Variants in SSX7 observed in about 807,000 individuals in gnomAD.
The protein encoded by SSX7 is SSX family member 7, also known as protein SSX7.
In SSX7, 15 loss-of-function variants were observed where a neutral mutation model predicts 14.7. That is an observed-to-expected ratio of 1.02 (90% CI 0.68 to 1.58). The LOEUF is 1.58. Among genes scored for constraint, SSX7 ranks in the 40% most tolerant of loss-of-function variants. The probability of loss-of-function intolerance (pLI) is 0.00; values close to 1 mark genes in which losing one functional copy is unlikely to be tolerated. For synonymous variants in SSX7, 46 were observed against 50.6 expected (o/e 0.91, Z 0.38); for missense variants, 178 against 146.8 (o/e 1.21, Z -1.10).
rs1219002236 is a variant in SSX7, at chrX:52,654,371, T to TTTG, written c.-21+390_-21+391insCAA. Among the ~76,000 whole-genome samples the TTTG allele has an allele frequency of 3.4e-4, 31 of 90,003 alleles. No homozygotes were observed. The East Asian group carries it at 9.5e-3, about 28-fold the overall frequency. 78.2% of individuals were successfully genotyped at this position (90,003 alleles called of 115,157 possible). ...GAGGAAAGATTTGAGTGAGTTTTTT[T>TTTG]TTTTTTTTTTTTTTGAGTCATGGTC... is the stretch of plus-strand genomic sequence containing the variant. On this transcript the variant is annotated intron_variant, in intron 1 of 7. Transcript: ENST00000298181.
At chrX:52,646,729 C>T (rs1925261800) in intron 6 of SSX7, among the ~76,000 whole-genome samples, 1 of 111,507 alleles carries the variant, frequency 9.0e-6, no homozygotes, top group Admixed American at 9.6e-5. Context: ...TTTCTTGAGA[C>T]ACACCTATAT....
intron 7 of SSX7, among the ~76,000 whole-genome samples, chrX:52,645,187 C>G (rs1340715982): frequency 1.8e-5 from 2 of 108,463 alleles, no homozygotes; most frequent in Non-Finnish European, 3.8e-5. Context: ...AGGAGAATGG[C>G]GTGAACCCGT....
At chrX:52,652,491 T>C (rs1925467321) in intron 3 of SSX7, 144 bp from the exon 4 acceptor site, 1 of 480,843 alleles carries the variant, frequency 2.1e-6, no homozygotes, top group African/African-American at 2.4e-5. Context: ...GAGCTATGAC[T>C]GCACTACTGC....
At chrX:52,645,324 C>T (rs1925204896) in intron 7 of SSX7, 115 bp downstream of exon 7, 2 of 1,186,814 alleles carry the variant, frequency 1.7e-6, no homozygotes, top group Non-Finnish European at 2.3e-6. Context: ...ATGCTGTACC[C>T]TAGAAAATTA....
intron 4 of SSX7, 127 bp downstream of exon 4, chrX:52,652,122 AATT>A: frequency 2.0e-6 from 1 of 509,049 alleles, no homozygotes; most frequent in Non-Finnish European, 3.3e-6. Context: ...TTCTGCATGC[AATT>A]TTTTTTTTTT....
intron 7 of SSX7, among the ~76,000 whole-genome samples, chrX:52,644,919 G>A (rs782021269): frequency 6.2e-4 from 69 of 111,245 alleles, no homozygotes; most frequent in African/African-American, 2.1e-3. Context: ...TGGAGTTCGG[G>A]AACCCACAGC....
chrX:52,652,811 G>A lies in SSX7; in HGVS notation c.184+59C>T, dbSNP rs1286976153. 1.5e-5 allele frequency: 16 copies of A among 1,035,449 alleles called. No individual in the cohort carries two copies. The African/African-American group carries it at 2.4e-4, about 16-fold the overall frequency. The allele number at this position is 1,035,449 out of a possible 1,213,427, so 85.3% of individuals were successfully genotyped here. ...TTCTGCAGCCTAAGAAGTAGCCAAA[G>A]CAGGAATAGGGATGCTCATGTGTCC... On this transcript the variant is annotated intron_variant, in intron 3 of 7. Coordinates refer to ENST00000298181, the MANE Select transcript of SSX7 (RefSeq NM_173358.2).
At chrX:52,652,591 G>A (rs1450601173) in intron 3 of SSX7, among the ~76,000 whole-genome samples, 1 of 110,182 alleles carries the variant, frequency 9.1e-6, no homozygotes, top group Non-Finnish European at 1.9e-5. Flanking sequence ...TAGGGACGGT[G>A]TGGGGGTGCC....
chrX:52,651,756 C>A lies in SSX7; in HGVS notation c.280+496G>T, dbSNP rs1368834366. 5.4e-5 allele frequency among the ~76,000 whole-genome samples: 6 copies of A among 111,313 alleles called. No homozygotes were observed. The East Asian group carries it at 1.7e-3, about 32-fold the overall frequency. On this transcript the variant is annotated intron_variant, in intron 4 of 7. Coordinates refer to ENST00000298181, the MANE Select transcript of SSX7 (RefSeq NM_173358.2). The stretch of plus-strand genomic sequence containing the variant: ...TGGGTGTGGGGGCGGGCACCCGTAA[C>A]CCCAGCTACTCCGGAGGCTGAGGCA...
intron 5 of SSX7, among the ~76,000 whole-genome samples, chrX:52,649,254 C>A (rs1216511387): frequency 2.7e-5 from 3 of 111,012 alleles, no homozygotes; most frequent in African/African-American, 9.8e-5. Context: ...TGGTCTTGAC[C>A]TCTTGACCTA....
At chrX:52,653,915 G>T (rs782316876) in intron 1 of SSX7, among the ~76,000 whole-genome samples, 1 of 111,316 alleles carries the variant, frequency 9.0e-6, no homozygotes, top group East Asian at 2.8e-4. Context: ...AGATAACATC[G>T]TCTCTCTGGT....
rs781973327 is a variant in SSX7, at chrX:52,652,982, G to A, written c.72C>T (p.Ser24=). The A allele has an allele frequency of 3.3e-6, 4 of 1,196,709 alleles. No individual in the cohort carries two copies. In the Admixed American group the frequency reaches 6.6e-5, roughly 20 times the overall value. ...AGAAGTATTTGGCAATATCATCGAA[G>A]GACTAGGAAAAGATAAAAAAGGAAT... ...GAQIPEKIQK[S]FDDIAKYFSK... is the part of the protein sequence containing the mutation. Residue 24 remains serine (S), a splice_region_variant and synonymous_variant, in exon 3 of 8, where the codon TCC becomes TCT. Coordinates refer to ENST00000298181, the MANE Select transcript of SSX7 (RefSeq NM_173358.2).
intron 2 of SSX7, 174 bp downstream of exon 2, chrX:52,653,230 T>C: frequency 1.3e-6 from 1 of 754,278 alleles, no homozygotes; most frequent in Non-Finnish European, 1.6e-6. Context: ...GTCACAGACT[T>C]GTCTCCAAGG....
chrX:52,647,570 C>T (rs1925289958), intron 6 of SSX7, among the ~76,000 whole-genome samples: 1 of 111,683 alleles, frequency 9.0e-6, no homozygotes, highest in Non-Finnish European at 1.9e-5. Context: ...GCCACTCCAC[C>T]CTTCAGCAAC....
Position 52,649,486 on chromosome X carries a change from C to A in SSX7, c.330+867G>T, listed in dbSNP as rs782411913. Among the ~76,000 whole-genome samples the A allele has an allele frequency of 6.2e-5, 7 of 112,080 alleles. 1 individual carries two copies. The highest frequency in any genetic ancestry group is 2.3e-4 in the African/African-American group (7 of 30,902). Reference sequence around the variant, plus strand: ...CATGATCCTTCCTTCAATTCGGTCTCCACACTAGCAACCCAACTCCCAGAT... The same window carrying A: ...CATGATCCTTCCTTCAATTCGGTCTACACACTAGCAACCCAACTCCCAGAT... On this transcript the variant is annotated intron_variant, in intron 5 of 7. Coordinates refer to ENST00000298181, the MANE Select transcript of SSX7 (RefSeq NM_173358.2).
At chrX:52,649,180 G>T (rs782328258) in intron 5 of SSX7, among the ~76,000 whole-genome samples, 1 of 111,195 alleles carries the variant, frequency 9.0e-6, no homozygotes, top group East Asian at 2.8e-4. Context: ...GCAGGCAGGC[G>T]CTACCACGCC....
chrX:52,654,369 T>G (rs868953306), intron 1 of SSX7, among the ~76,000 whole-genome samples: 1 of 85,507 alleles, frequency 1.2e-5, no homozygotes. Flanking sequence ...AGTGAGTTTT[T>G]TTTTTTTTTT....
At chrX:52,649,046 TG>T (rs1311041656) in intron 5 of SSX7, among the ~76,000 whole-genome samples, 3 of 111,089 alleles carry the variant, frequency 2.7e-5, no homozygotes, top group Non-Finnish European at 5.7e-5. Flanking sequence ...TTTGTTGTTT[TG>T]TTTTGAGACA....
At chrX:52,652,116 G>T in intron 4 of SSX7, 136 bp downstream of exon 4, 1 of 489,472 alleles carries the variant, frequency 2.0e-6, no homozygotes, top group Non-Finnish European at 3.5e-6. Context: ...TTAACTTTCT[G>T]CATGCAATTT....
Sources: gnomAD v4.1 joint callset for allele counts (sites outside exome capture counted in the v4.1 genomes callset) on GRCh38, gnomAD v4.1.1 for gene constraint, MANE v1.5 for transcripts, NCBI Gene and HGNC (gene_info 2026-07-23, HGNC 2026-07-21) for gene names.